Variants in SP110 observed in about 807,000 individuals in gnomAD.
SP110 encodes the protein SP110 nuclear body protein.
Under a neutral mutation model 92.7 loss-of-function variants are expected in SP110, and 62 were observed. That is an observed-to-expected ratio of 0.67 (90% CI 0.55 to 0.83). The LOEUF is 0.83. SP110 is among the 40% of genes least tolerant of loss of function. The probability of loss-of-function intolerance (pLI) is 0.00; values close to 1 mark genes in which losing one functional copy is unlikely to be tolerated. For missense variants in SP110, 793 were observed against 863.9 expected (o/e 0.92, Z 1.03); for synonymous variants, 273 against 305.3 (o/e 0.89, Z 1.10).
upstream of SP110, among the ~76,000 whole-genome samples, chr2:230,222,252 A>G (rs1012464376): frequency 6.6e-6 from 1 of 151,724 alleles, no homozygotes; most frequent in Admixed American, 6.6e-5. Context: ...AAAAAAATGC[A>G]TGCTTGAGAA....
At position 230,197,443 on chromosome 2, in the gene SP110, G is replaced by A. The variant is rs1288540286; in HGVS notation, c.1129+3442C>T. Reference sequence around the variant, plus strand: ...AGTTAATTGTAGATTCTGGATATTAGCCCTTTGTCAGATGAGTAGGTTGCG... The same window carrying A: ...AGTTAATTGTAGATTCTGGATATTAACCCTTTGTCAGATGAGTAGGTTGCG... On this transcript the variant is annotated intron_variant, in intron 10 of 18. Coordinates refer to ENST00000258381, the MANE Select transcript of SP110 (RefSeq NM_080424.4). Among the ~76,000 whole-genome samples, 42 of 150,934 alleles carry A rather than the reference G, an allele frequency of 2.8e-4. 1 individual carries two copies. Among genetic ancestry groups the A allele is most frequent in the African/African-American group, 1.0e-3 (41 of 40,988 alleles).
rs1352400207 is a variant in SP110 at position 230,211,687 on chromosome 2, A to G, written c.668-134T>C. On this transcript the variant is annotated intron_variant, in intron 5 of 18. Transcript: ENST00000258381. This position sits in a 1 kb window ranked among gnomAD's most constrained non-coding sequence, Gnocchi z 4.2. ...CAACCAAGGCCTGGGAAAGGATGGC[A>G]TAGAGTGGGAAAGTAAGCAACCATT... is the stretch of plus-strand genomic sequence containing the variant. 4.3e-6 allele frequency: 3 copies of G among 690,918 alleles called. No individual in the cohort carries two copies. Among genetic ancestry groups the G allele is most frequent in the East Asian group, 5.3e-5 (2 of 37,530 alleles). The allele number at this position is 690,918 out of a possible 1,614,324, so 42.8% of individuals were successfully genotyped here.
intron 10 of SP110, among the ~76,000 whole-genome samples, chr2:230,197,170 G>C (rs553726601): frequency 7.5e-4 from 114 of 152,096 alleles, no homozygotes; most frequent in Middle Eastern, 3.4e-3. Context: ...CAGTGTAAAA[G>C]TGTTCCTATT....
chr2:230,184,427 T>C (rs2042264484), intron 11 of SP110, among the ~76,000 whole-genome samples: 1 of 152,266 alleles, frequency 6.6e-6, no homozygotes, highest in South Asian at 2.1e-4. Flanking sequence ...GGGAAGCAGC[T>C]GCTACTGGCA....
At chr2:230,210,971 A>G (rs1235256382) in intron 6 of SP110, among the ~76,000 whole-genome samples, 4 of 152,194 alleles carry the variant, frequency 2.6e-5, no homozygotes, top group Non-Finnish European at 4.4e-5. Context: ...TGCTGCAGCA[A>G]TTCACTATTA....
rs765481417 is a variant in SP110, at chr2:230,211,439, CA to C, written c.751+30del. 1 of 1,369,502 alleles carries C rather than the reference CA, an allele frequency of 7.3e-7. No homozygotes were observed. The highest frequency in any genetic ancestry group is 2.3e-5 in the East Asian group (1 of 43,750). 84.8% of individuals were successfully genotyped at this position (1,369,502 alleles called of 1,614,324 possible). On this transcript the variant is annotated intron_variant, in intron 6 of 18. Coordinates refer to ENST00000258381, the MANE Select transcript of SP110 (RefSeq NM_080424.4). The surrounding 1 kb of genome is among the most constrained non-coding windows in gnomAD (Gnocchi z 4.2). ...CTCTTAGTAAACACAGAAACAAAGG[CA>C]AGCTTTTAGGTTGACCAAACCAAGA...
intron 16 of SP110, 58 bp downstream of exon 16, chr2:230,172,008 T>C: frequency 9.3e-7 from 1 of 1,078,758 alleles, no homozygotes; most frequent in Non-Finnish European, 1.4e-6. Context: ...CCTGTGCCTG[T>C]TTGTGCTTCT....
In SP110 at chr2:230,168,917, A is replaced by ATTTTT. The variant is rs1553839905; in HGVS notation, c.*202_*206dup. On this transcript the variant is annotated 3_prime_UTR_variant, in exon 19 of 19. Transcript: ENST00000258381. Reference sequence around the variant, plus strand: ...ATCTGATGGTATTAAGGAAGTATTAATTTTTTTTTTTTTTAGTGTAGATAT... The same window carrying ATTTTT: ...ATCTGATGGTATTAAGGAAGTATTAATTTTTTTTTTTTTTTTTTTAGTGTAGATAT... 98 of 425,892 alleles carry ATTTTT rather than the reference A, an allele frequency of 2.3e-4. 1 individual carries two copies. Among genetic ancestry groups the ATTTTT allele is most frequent in the Non-Finnish European group, 2.8e-4 (63 of 227,618 alleles). 26.4% of individuals were successfully genotyped at this position (425,892 alleles called of 1,614,324 possible). A position where few individuals can be genotyped will look rare whatever the true frequency, so the allele number is the denominator to read the frequency against.
upstream of SP110, chr2:230,221,627 C>A: frequency 7.4e-7 from 1 of 1,358,198 alleles, no homozygotes; most frequent in Non-Finnish European, 1.0e-6. Flanking sequence ...CATGCAGTAA[C>A]ATACAGCGCT....
At chr2:230,170,573 AG>A (rs2078410631) in intron 18 of SP110, 47 bp downstream of exon 18, 3 of 1,609,386 alleles carry the variant, frequency 1.9e-6, no homozygotes, top group Non-Finnish European at 1.7e-6. Flanking sequence ...CCCAGAAATT[AG>A]GGGAAAGTAG....
chr2:230,217,678 CACA>C (rs796705891), intron 1 of SP110, among the ~76,000 whole-genome samples: 8 of 152,282 alleles, frequency 5.3e-5, no homozygotes, highest in African/African-American at 1.9e-4. Flanking sequence ...CCCAGGGTTG[CACA>C]ACTAGAGAGT....
intron 18 of SP110, among the ~76,000 whole-genome samples, chr2:230,169,947 T>A (rs928802457): frequency 1.4e-4 from 21 of 152,254 alleles, no homozygotes; most frequent in Admixed American, 7.2e-4. Flanking sequence ...CAGTTTACAA[T>A]CTGTGGTTTG....
At chr2:230,188,004 GA>G (rs2042435014) in intron 10 of SP110, among the ~76,000 whole-genome samples, 1 of 151,942 alleles carries the variant, frequency 6.6e-6, no homozygotes, top group African/African-American at 2.4e-5. Flanking sequence ...TGAATTTTAA[GA>G]TTTTTTTTCC....
At chr2:230,223,651 T>A (rs559028624), upstream of SP110, among the ~76,000 whole-genome samples, 1 of 152,204 alleles carries the variant, frequency 6.6e-6, no homozygotes, top group Non-Finnish European at 1.5e-5. Flanking sequence ...CTGACATAAT[T>A]GGACATAAAA....
rs2044285386 is a variant in SP110 at position 230,209,934 on chromosome 2, T to C, written c.826A>G (p.Lys276Glu). The C allele has an allele frequency of 1.9e-6, 3 of 1,592,934 alleles. No individual in the cohort carries two copies. Among genetic ancestry groups the C allele is most frequent in the Non-Finnish European group, 1.7e-6 (2 of 1,160,758 alleles). The change falls in exon 7 of 19, where the codon AAA (lysine) becomes GAA (glutamate). Residue 276 changes from lysine to glutamate, a missense_variant. Transcript: ENST00000258381. ...ACAGAAGAAAGGCTTTTCTTACCTT[T>C]CTTGTCTGAAGGTGTGCTGGACACC... ...QEVSSTPSDK[K>E]GKKRKRCIWS...
At chr2:230,179,821 C>T (rs1209523696) in intron 12 of SP110, among the ~76,000 whole-genome samples, 2 of 152,042 alleles carry the variant, frequency 1.3e-5, no homozygotes, top group East Asian at 1.9e-4. Flanking sequence ...GCTTTGGGGG[C>T]CACGGGTAGC....
At position 230,189,009 on chromosome 2, in the gene SP110, G is replaced by C. The variant is rs968317717; in HGVS notation, c.1130-2866C>G. On this transcript the variant is annotated intron_variant, in intron 10 of 18. Coordinates refer to ENST00000258381, the MANE Select transcript of SP110 (RefSeq NM_080424.4). The stretch of plus-strand genomic sequence containing the variant: ...TTTGTGCATAGAGGTGTTCATAGTA[G>C]TCCTGAATGATCTTTTGTATTTCTG... 3.9e-5 allele frequency among the ~76,000 whole-genome samples: 6 copies of C among 152,106 alleles called. No individual in the cohort carries two copies. The South Asian group carries it at 1.2e-3, about 32-fold the overall frequency.
intron 10 of SP110, among the ~76,000 whole-genome samples, chr2:230,197,400 T>C (rs2042927686): frequency 6.6e-6 from 1 of 151,684 alleles, no homozygotes; most frequent in Non-Finnish European, 1.5e-5. Flanking sequence ...GTTTGTTTTT[T>C]TCTTGTAAAT....
intron 16 of SP110, 128 bp downstream of exon 16, chr2:230,171,938 A>G: frequency 1.2e-6 from 1 of 841,986 alleles, no homozygotes. Flanking sequence ...GAGTTTGGGC[A>G]TTAAATCGTC....
Sources: gnomAD v4.1 joint callset for allele counts (sites outside exome capture counted in the v4.1 genomes callset) on GRCh38, gnomAD v4.1.1 for gene constraint, Gnocchi (gnomAD v3.1) non-coding constraint, MANE v1.5 for transcripts, NCBI Gene and HGNC (gene_info 2026-07-23, HGNC 2026-07-21) for gene names.